BMAL1: variants seen among roughly 807,000 people sequenced by gnomAD.
BMAL1 encodes basic helix-loop-helix ARNT-like protein 1.
chr11:13,299,738 T>C, the BMAL1 span, among the ~76,000 whole-genome samples: 216 of 152,294 alleles, frequency 1.4e-3, no homozygotes, highest in African/African-American at 4.9e-3. Flanking sequence ...GAGTTTCAAC[T>C]GAACCAACAG....
At chr11:13,355,360 G>A in the BMAL1 span, 2 of 1,488,350 alleles carry the variant, frequency 1.3e-6, no homozygotes, top group Non-Finnish European at 1.9e-6. Flanking sequence ...TATGAGGGCT[G>A]TGAGGGCGTT....
At chr11:13,362,162 A>G in the BMAL1 span, among the ~76,000 whole-genome samples, 13 of 152,136 alleles carry the variant, frequency 8.5e-5, no homozygotes, top group African/African-American at 2.7e-4. Flanking sequence ...GACTCCCACA[A>G]CCCAATATAG....
the BMAL1 span, among the ~76,000 whole-genome samples, chr11:13,301,970 G>A: frequency 1.1e-4 from 17 of 152,216 alleles, no homozygotes; most frequent in African/African-American, 4.1e-4. Context: ...AAGCTGTCCT[G>A]TCTCTGATTT....
the BMAL1 span, among the ~76,000 whole-genome samples, chr11:13,342,672 C>T: frequency 6.6e-6 from 1 of 152,174 alleles, no homozygotes; most frequent in African/African-American, 2.4e-5. Flanking sequence ...TCATTACAAT[C>T]CTATGGGATT....
chr11:13,381,019 G>A, the BMAL1 span: 2 of 690,674 alleles, frequency 2.9e-6, no homozygotes, highest in Non-Finnish European at 4.9e-6. Context: ...ATGGCCTAGA[G>A]AGCCTACTAT....
the BMAL1 span, among the ~76,000 whole-genome samples, chr11:13,303,559 C>T: frequency 6.6e-6 from 1 of 152,204 alleles, no homozygotes; most frequent in Non-Finnish European, 1.5e-5. Flanking sequence ...AACTGCACTT[C>T]TCTGCAGAAA....
At chr11:13,368,525 C>T in the BMAL1 span, among the ~76,000 whole-genome samples, 2,954 of 152,146 alleles carry the variant, frequency 0.019, 39 homozygotes, top group Non-Finnish European at 0.033. Context: ...GATTGGCATT[C>T]TAGGGGAGAT....
the BMAL1 span, among the ~76,000 whole-genome samples, chr11:13,374,599 G>A: frequency 1.3e-5 from 2 of 152,096 alleles, no homozygotes; most frequent in African/African-American, 4.8e-5. Context: ...TTCTTTCACT[G>A]TGTCTCCACC....
the BMAL1 span, among the ~76,000 whole-genome samples, chr11:13,292,020 G>A: frequency 6.6e-6 from 1 of 152,172 alleles, no homozygotes. Flanking sequence ...TCAGCTTTCA[G>A]TGCCTTTCCT....
the BMAL1 span, among the ~76,000 whole-genome samples, chr11:13,299,908 C>G: frequency 9.1e-4 from 138 of 152,300 alleles, no homozygotes; most frequent in Non-Finnish European, 1.5e-3. Context: ...CAGGTGGGAG[C>G]CTGGTGGCCA....
chr11:13,320,826 A>C, the BMAL1 span, among the ~76,000 whole-genome samples: 1 of 152,272 alleles, frequency 6.6e-6, no homozygotes, highest in East Asian at 1.9e-4. Context: ...CCTAACAAGC[A>C]AATAGTGTGT....
the BMAL1 span, among the ~76,000 whole-genome samples, chr11:13,285,683 G>A: frequency 1.3e-5 from 2 of 152,204 alleles, no homozygotes; most frequent in Non-Finnish European, 2.9e-5. Context: ...AGCTGCTTGT[G>A]TACAGATGTT....
chr11:13,284,243 T>C, the BMAL1 span, among the ~76,000 whole-genome samples: 25 of 2,950 alleles, frequency 8.5e-3, no homozygotes, highest in Non-Finnish European at 0.03. Context: ...TGTATATATA[T>C]ATATATATAT....
chr11:13,369,660 G>A, the BMAL1 span: 6 of 1,613,968 alleles, frequency 3.7e-6, no homozygotes, highest in Non-Finnish European at 5.1e-6. Context: ...GGGCCATCTC[G>A]ATTATGTTCT....
the BMAL1 span, among the ~76,000 whole-genome samples, chr11:13,335,574 G>C: frequency 6.6e-6 from 1 of 152,202 alleles, no homozygotes; most frequent in Non-Finnish European, 1.5e-5. Flanking sequence ...CATCTGCATA[G>C]CTGCCTAATG....
the BMAL1 span, among the ~76,000 whole-genome samples, chr11:13,384,787 AAAATACTATTCATTATT>A: frequency 2.0e-5 from 3 of 152,238 alleles, no homozygotes; most frequent in African/African-American, 7.2e-5. Flanking sequence ...ATTTTTCATT[AAAATACTATTCATTATT>A]TATGTTAACA....
the BMAL1 span, among the ~76,000 whole-genome samples, chr11:13,294,789 G>A: frequency 1.4e-4 from 22 of 152,128 alleles, no homozygotes; most frequent in African/African-American, 5.3e-4. Flanking sequence ...AGGGTCCCCA[G>A]ATTTTCTTAT....
chr11:13,350,936 T>C, the BMAL1 span, among the ~76,000 whole-genome samples: 3 of 152,226 alleles, frequency 2.0e-5, no homozygotes, highest in Non-Finnish European at 4.4e-5. Flanking sequence ...ATTTATTCGT[T>C]CATTCAATAT....
At chr11:13,366,901 C>A in the BMAL1 span, 1 of 607,220 alleles carries the variant, frequency 1.6e-6, no homozygotes, top group Non-Finnish European at 2.8e-6. Flanking sequence ...CTTCTCTGTC[C>A]TCTTTCTGGG....
Sources: gnomAD v4.1 joint callset for allele counts (sites outside exome capture counted in the v4.1 genomes callset) on GRCh38, gnomAD v4.1.1 for gene constraint, MANE v1.5 for transcripts, NCBI Gene and HGNC (gene_info 2026-07-23, HGNC 2026-07-21) for gene names.